TASP1: variants seen among roughly 807,000 people sequenced by gnomAD.
The protein encoded by TASP1 is threonine aspartase 1.
In TASP1, 16 loss-of-function variants were observed where a neutral mutation model predicts 56.6. That is an observed-to-expected ratio of 0.28 (90% CI 0.19 to 0.43). TASP1 has a LOEUF of 0.43. Ranked by LOEUF, TASP1 falls within the 20% of genes least tolerant of loss-of-function variation. The pLI, the probability that TASP1 is intolerant of heterozygous loss-of-function variation, is 1.00. For missense variants in TASP1, 393 were observed against 511.6 expected, an observed-to-expected ratio of 0.77 and a Z score of 2.24; for synonymous variants, 179 against 184.2, an observed-to-expected ratio of 0.97 and a Z score of 0.23.
At chr20:13,613,658 AT>A (rs1555804660) in intron 4 of TASP1, among the ~76,000 whole-genome samples, 2 of 152,102 alleles carry the variant, frequency 1.3e-5, no homozygotes, top group Non-Finnish European at 2.9e-5. Context: ...ATACTGGCCA[AT>A]TATAAACAAT....
intron 10 of TASP1, among the ~76,000 whole-genome samples, chr20:13,504,474 A>G (rs1471828802): frequency 6.6e-6 from 1 of 152,198 alleles, no homozygotes; most frequent in African/African-American, 2.4e-5. Context: ...AGGGAGTTCT[A>G]CTAGCTGAAA....
the TASP1 span, among the ~76,000 whole-genome samples, chr20:13,222,265 C>T: frequency 6.6e-6 from 1 of 152,092 alleles, no homozygotes; most frequent in Non-Finnish European, 1.5e-5. Flanking sequence ...TTTCGTTGCC[C>T]TTCGGAGGCT....
chr20:13,553,770 T>C (rs2046060537), intron 8 of TASP1, among the ~76,000 whole-genome samples: 1 of 152,190 alleles, frequency 6.6e-6, no homozygotes, highest in Non-Finnish European at 1.5e-5. Flanking sequence ...AAGGAGATTA[T>C]AAAAACTTAT....
At chr20:13,180,966 T>C in the TASP1 span, among the ~76,000 whole-genome samples, 1 of 152,230 alleles carries the variant, frequency 6.6e-6, no homozygotes, top group East Asian at 1.9e-4. Flanking sequence ...CTTTATTCTC[T>C]GCATGCTGGT....
chr20:13,618,841 T>G (rs1366742448), intron 4 of TASP1, among the ~76,000 whole-genome samples: 5 of 152,042 alleles, frequency 3.3e-5, no homozygotes, highest in African/African-American at 9.7e-5. Context: ...CCTTTTACTA[T>G]ATAAAATGTA....
rs141804121 is a variant in TASP1 at position 13,631,033 on chromosome 20, G to A, written c.-74-881C>T. On this transcript the variant is annotated intron_variant, in intron 1 of 13. Coordinates refer to ENST00000337743, the MANE Select transcript of TASP1 (RefSeq NM_017714.3). ...AATGTTTGGTTTTGGGTGGTATTTGGGGAGTTTTTTATTTGTATTTTACAT... is the reference window on the plus strand; with the variant it reads ...AATGTTTGGTTTTGGGTGGTATTTGAGGAGTTTTTTATTTGTATTTTACAT... Among the ~76,000 whole-genome samples, 1,337 of 152,076 alleles carry A rather than the reference G, an allele frequency of 8.8e-3. 17 individuals are homozygous for A. Among genetic ancestry groups the A allele is most frequent in the Middle Eastern group, 0.034 (10 of 294 alleles).
chr20:13,550,239 T>C (rs374260394), intron 8 of TASP1, among the ~76,000 whole-genome samples: 3 of 151,748 alleles, frequency 2.0e-5, no homozygotes, highest in East Asian at 1.9e-4. Context: ...GACTCAGATA[T>C]TGATGATTGG....
At chr20:13,318,589 T>A in the TASP1 span, among the ~76,000 whole-genome samples, 401 of 152,348 alleles carry the variant, frequency 2.6e-3, no homozygotes, top group Non-Finnish European at 3.7e-3. Flanking sequence ...TCAGCCAAGA[T>A]GTCCTTCAGT....
chr20:13,385,706 G>A (rs913026561), downstream of TASP1, among the ~76,000 whole-genome samples: 8 of 152,208 alleles, frequency 5.3e-5, no homozygotes, highest in Admixed American at 3.3e-4. Context: ...AACCAGAAAA[G>A]GGGAGAAAGC....
the TASP1 span, among the ~76,000 whole-genome samples, chr20:13,296,962 G>C: frequency 6.6e-6 from 1 of 152,050 alleles, no homozygotes; most frequent in East Asian, 1.9e-4. Context: ...AGGTTGCAGT[G>C]AGCTGAGATC....
chr20:13,539,072 A>C (rs2045524436), intron 8 of TASP1, among the ~76,000 whole-genome samples: 1 of 152,036 alleles, frequency 6.6e-6, no homozygotes, highest in Non-Finnish European at 1.5e-5. Context: ...TTTAGCTAGA[A>C]TTATCTACTC....
chr20:13,381,057 C>T, the TASP1 span, among the ~76,000 whole-genome samples: 6 of 152,176 alleles, frequency 3.9e-5, no homozygotes, highest in Non-Finnish European at 7.3e-5. Flanking sequence ...GGCTCCCTGG[C>T]TTCAGCCCCC....
chr20:13,620,251 G>C (rs992657590), intron 4 of TASP1, among the ~76,000 whole-genome samples: 10 of 142,580 alleles, frequency 7.0e-5, no homozygotes, highest in Non-Finnish European at 1.0e-4. Flanking sequence ...GTGTGTGTGT[G>C]TCTCTGTGGT....
the TASP1 span, among the ~76,000 whole-genome samples, chr20:13,187,334 A>C: frequency 6.6e-6 from 1 of 152,138 alleles, no homozygotes; most frequent in Non-Finnish European, 1.5e-5. Flanking sequence ...AGAACTTACC[A>C]AAACTAATTA....
chr20:13,181,637 G>C, the TASP1 span, among the ~76,000 whole-genome samples: 6 of 152,140 alleles, frequency 3.9e-5, no homozygotes, highest in African/African-American at 1.2e-4. Flanking sequence ...TCTTTTAAAC[G>C]TGATGACGAT....
intron 12 of TASP1, among the ~76,000 whole-genome samples, chr20:13,418,152 TC>T (rs1323057823): frequency 2.0e-5 from 3 of 152,154 alleles, no homozygotes; most frequent in African/African-American, 7.2e-5. Context: ...CCTCAGGTGA[TC>T]CACCCGCCTT....
chr20:13,580,355 G>A (rs990130032), intron 6 of TASP1, among the ~76,000 whole-genome samples: 23 of 152,206 alleles, frequency 1.5e-4, no homozygotes, highest in African/African-American at 5.5e-4. Flanking sequence ...GCTGAGGCAG[G>A]AGGATCTCTT....
the TASP1 span, among the ~76,000 whole-genome samples, chr20:13,241,209 G>T: frequency 6.6e-6 from 1 of 152,158 alleles, no homozygotes; most frequent in African/African-American, 2.4e-5. Flanking sequence ...GGCATCATGG[G>T]AACAGACTCC....
chr20:13,580,602 T>C (rs2047084632), intron 6 of TASP1, among the ~76,000 whole-genome samples: 2 of 152,216 alleles, frequency 1.3e-5, no homozygotes, highest in African/African-American at 2.4e-5. Flanking sequence ...GTACTTTTAT[T>C]CTAAGAACTT....
Sources: allele counts gnomAD v4.1 joint callset (sites outside exome capture counted in the v4.1 genomes callset), GRCh38; gene constraint gnomAD v4.1.1; transcripts MANE v1.5; gene names NCBI Gene and HGNC (gene_info 2026-07-23, HGNC 2026-07-21).